Variants in KCNJ3 observed in about 807,000 individuals in gnomAD.
The protein encoded by KCNJ3 is potassium inwardly rectifying channel subfamily J member 3, also known as G protein-activated inward rectifier potassium channel 1.
Under a neutral mutation model 39.2 loss-of-function variants are expected in KCNJ3, and 4 were observed. The ratio of observed to expected loss-of-function variants is 0.10; its 90% CI spans 0.05 to 0.23. The LOEUF (loss-of-function observed/expected upper bound fraction) is 0.23, where lower values mean the gene tolerates loss of function less well. Ranked by LOEUF, KCNJ3 falls within the 10% of genes least tolerant of loss-of-function variation. The pLI, the probability that KCNJ3 is intolerant of heterozygous loss-of-function variation, is 1.00. For synonymous variants in KCNJ3, 230 were observed against 237.4 expected (o/e 0.97, Z 0.29); for missense variants, 276 against 634.9 (o/e 0.43, Z 6.08).
rs546199502 is a variant in KCNJ3, at chr2:154,717,728, A to G, written c.919+7909A>G. Among the ~76,000 whole-genome samples the G allele has an allele frequency of 2.0e-3, 302 of 152,352 alleles. 2 individuals are homozygous for G. The highest frequency in any genetic ancestry group is 0.012 in the South Asian group (60 of 4,826). On this transcript the variant is annotated intron_variant, in intron 2 of 2. Transcript: ENST00000295101. The stretch of plus-strand genomic sequence containing the variant: ...GTGAAAAACAGCTAGGAATTTTCTA[A>G]TGAATATATCATAAAGTAGAAGCTC...
intron 2 of KCNJ3, among the ~76,000 whole-genome samples, chr2:154,821,714 T>C (rs2105110694): frequency 7.2e-6 from 1 of 139,286 alleles, no homozygotes. Context: ...CGATCTCCGC[T>C]CACCGCAACT....
At chr2:154,751,853 T>G (rs962856780) in intron 2 of KCNJ3, among the ~76,000 whole-genome samples, 1 of 152,026 alleles carries the variant, frequency 6.6e-6, no homozygotes, top group African/African-American at 2.4e-5. Context: ...CTTCTGTGTT[T>G]GTGTGCAACC....
chr2:154,847,455 T>C (rs1316601694), intron 2 of KCNJ3, among the ~76,000 whole-genome samples: 1 of 152,186 alleles, frequency 6.6e-6, no homozygotes, highest in Admixed American at 6.6e-5. Flanking sequence ...AGGAAGTTAC[T>C]TGGTGATATA....
chr2:154,822,483 T>A (rs921550107), intron 2 of KCNJ3, among the ~76,000 whole-genome samples: 1 of 152,212 alleles, frequency 6.6e-6, no homozygotes, highest in Admixed American at 6.5e-5. Flanking sequence ...ATCTATCCAT[T>A]CATTTTTACA....
chr2:154,844,743 A>G (rs1213345755), intron 2 of KCNJ3, among the ~76,000 whole-genome samples: 4 of 152,162 alleles, frequency 2.6e-5, no homozygotes, highest in African/African-American at 4.8e-5. Context: ...TGGGTGTGGA[A>G]CCCTCCGAGG....
In KCNJ3 at chr2:154,856,635, T is replaced by C. The variant is rs560614176; in HGVS notation, c.*1322T>C. On this transcript the variant is annotated 3_prime_UTR_variant, in exon 3 of 3. Coordinates refer to ENST00000295101, the MANE Select transcript of KCNJ3 (RefSeq NM_002239.4). ...AAAATTAGATGATAAATTGAAGATA[T>C]CTTACACACAGTTTTTTGGTGAACA... is the stretch of plus-strand genomic sequence containing the variant. 6.6e-6 allele frequency: 1 copy of C among 152,274 alleles called. No homozygotes were observed. Among genetic ancestry groups the C allele is most frequent in the African/African-American group, 2.4e-5 (1 of 41,566 alleles). 9.4% of individuals were successfully genotyped at this position (152,274 alleles called of 1,614,324 possible).
intron 2 of KCNJ3, among the ~76,000 whole-genome samples, chr2:154,780,628 G>C (rs1363424118): frequency 6.6e-6 from 1 of 152,054 alleles, no homozygotes. Context: ...AGGGGCTCCT[G>C]AGTTCCAGCT....
intron 2 of KCNJ3, among the ~76,000 whole-genome samples, chr2:154,797,709 A>G (rs1048602196): frequency 6.6e-6 from 1 of 152,122 alleles, no homozygotes; most frequent in African/African-American, 2.4e-5. Flanking sequence ...TCTCCTTAGA[A>G]GTTAAATTTA....
chr2:154,769,419 G>T (rs1686197213), intron 2 of KCNJ3, among the ~76,000 whole-genome samples: 1 of 152,024 alleles, frequency 6.6e-6, no homozygotes, highest in African/African-American at 2.4e-5. Context: ...TTTTTTGAAG[G>T]CCTTTTCTGC....
intron 2 of KCNJ3, among the ~76,000 whole-genome samples, chr2:154,767,888 G>A (rs1686163050): frequency 1.3e-5 from 2 of 152,308 alleles, no homozygotes; most frequent in African/African-American, 2.4e-5. Flanking sequence ...TCTAACTGGT[G>A]TGAGATGGTA....
At chr2:154,771,401 C>A (rs1029232100) in intron 2 of KCNJ3, among the ~76,000 whole-genome samples, 1 of 152,050 alleles carries the variant, frequency 6.6e-6, no homozygotes, top group Non-Finnish European at 1.5e-5. Context: ...AAATATATAA[C>A]CTGAAAGCAT....
chr2:154,746,000 C>T (rs1055005018), intron 2 of KCNJ3, among the ~76,000 whole-genome samples: 1 of 151,626 alleles, frequency 6.6e-6, no homozygotes, highest in Non-Finnish European at 1.5e-5. Context: ...CTACTGTTCC[C>T]CAGGTAGCGA....
At chr2:154,802,955 A>C (rs1310968929) in intron 2 of KCNJ3, among the ~76,000 whole-genome samples, 1 of 152,080 alleles carries the variant, frequency 6.6e-6, no homozygotes, top group Non-Finnish European at 1.5e-5. Context: ...ACTTTCTAAC[A>C]GTAAATTAAA....
Position 154,818,918 on chromosome 2 carries a change from C to CTTTTTT in KCNJ3, c.920-35782_920-35777dup, listed in dbSNP as rs57668487. ...GAGCTTGAGCTGTAGCTGCAAAAGCCTTTTTTTTTTTTTTTTTTTTTTTTT... is the reference window on the plus strand; with the variant it reads ...GAGCTTGAGCTGTAGCTGCAAAAGCCTTTTTTTTTTTTTTTTTTTTTTTTTTTTTTT... On this transcript the variant is annotated intron_variant, in intron 2 of 2. Transcript: ENST00000295101. Among the ~76,000 whole-genome samples the CTTTTTT allele has an allele frequency of 1.6e-3, 84 of 52,438 alleles. 1 individual carries two copies. The highest frequency in any genetic ancestry group is 2.5e-3 in the East Asian group (3 of 1,218). The allele number at this position is 52,438 out of a possible 152,430, so 34.4% of individuals were successfully genotyped here. A position where few individuals can be genotyped will look rare whatever the true frequency, so the allele number is the denominator to read the frequency against.
intron 2 of KCNJ3, among the ~76,000 whole-genome samples, chr2:154,852,065 T>G (rs1308017641): frequency 6.6e-6 from 1 of 152,224 alleles, no homozygotes; most frequent in East Asian, 1.9e-4. Context: ...TTACTTTAAC[T>G]CATTGTAAAT....
chr2:154,839,229 G>A (rs1350256019), intron 2 of KCNJ3, among the ~76,000 whole-genome samples: 1 of 152,132 alleles, frequency 6.6e-6, no homozygotes, highest in East Asian at 1.9e-4. Flanking sequence ...AGTTTGCTGG[G>A]AATGATGGTT....
At chr2:154,827,667 T>C (rs1412254638) in intron 2 of KCNJ3, among the ~76,000 whole-genome samples, 1 of 151,982 alleles carries the variant, frequency 6.6e-6, no homozygotes, top group African/African-American at 2.4e-5. Context: ...ACAATTCAAA[T>C]ACAGGCTATA....
chr2:154,770,643 G>A (rs1558869753), intron 2 of KCNJ3, among the ~76,000 whole-genome samples: 1 of 151,946 alleles, frequency 6.6e-6, no homozygotes. Context: ...GGAATTTTGA[G>A]AAGTACTTAA....
At chr2:154,703,958 C>T (rs1194056037) in intron 1 of KCNJ3, among the ~76,000 whole-genome samples, 1 of 152,024 alleles carries the variant, frequency 6.6e-6, no homozygotes, top group Non-Finnish European at 1.5e-5. Context: ...CCTCAGAATG[C>T]TCAGGAGCTA....
Sources: allele counts gnomAD v4.1 joint callset (sites outside exome capture counted in the v4.1 genomes callset), GRCh38; gene constraint gnomAD v4.1.1; transcripts MANE v1.5; gene names NCBI Gene and HGNC (gene_info 2026-07-23, HGNC 2026-07-21).